Variants in SRP68 observed in about 807,000 individuals in gnomAD.
SRP68 encodes the protein signal recognition particle subunit SRP68.
In SRP68, 15 loss-of-function variants were observed where a neutral mutation model predicts 82.2. The observed-to-expected ratio is 0.18, with a 90% CI of 0.12 to 0.28. The LOEUF is 0.28. SRP68 is among the 10% of genes least tolerant of loss of function. SRP68 has a pLI of 1.00. For synonymous variants in SRP68, 261 were observed against 292.6 expected (o/e 0.89, Z 1.10); for missense variants, 595 against 780.5 (o/e 0.76, Z 2.83).
rs142178082 is a variant in SRP68, at chr17:76,057,461, A to G, written c.920T>C (p.Ile307Thr). 8 of 1,614,148 alleles carry G rather than the reference A, an allele frequency of 5.0e-6. No individual in the cohort carries two copies. Among genetic ancestry groups the G allele is most frequent in the South Asian group, 1.1e-5 (1 of 91,078 alleles). The change falls in exon 8 of 16, where the codon ATT becomes ACT. Residue 307 changes from isoleucine (I) to threonine (T), a missense_variant. Coordinates refer to ENST00000307877, the MANE Select transcript of SRP68 (RefSeq NM_014230.4). ...TAATAAGAAAATGCGCACTTTGTCAATCTTCACTGGAACCGTTCTCCCTCT... is the reference window on the plus strand; with the variant it reads ...TAATAAGAAAATGCGCACTTTGTCAGTCTTCACTGGAACCGTTCTCCCTCT... Reference protein sequence around the residue: ...EWRGRTVPVKIDKVRIFLLGL... With the variant: ...EWRGRTVPVKTDKVRIFLLGL...
rs754418404 is a variant in SRP68 at position 76,063,066 on chromosome 17, G to A, written c.561+910C>T. Among the ~76,000 whole-genome samples the A allele has an allele frequency of 1.5e-4, 23 of 151,538 alleles. 1 individual carries two copies. The highest frequency in any genetic ancestry group is 4.2e-4 in the South Asian group (2 of 4,790). ...ATTACAGGCGTGAGCCACCACGCCC[G>A]GCCTAAGAATATAGATATATTAATC... On this transcript the variant is annotated intron_variant, in intron 4 of 15. Coordinates refer to ENST00000307877, the MANE Select transcript of SRP68 (RefSeq NM_014230.4).
chr17:76,059,495 T>C (rs925744171), intron 7 of SRP68, among the ~76,000 whole-genome samples: 2 of 152,016 alleles, frequency 1.3e-5, no homozygotes, highest in Admixed American at 1.3e-4. Flanking sequence ...TGAGCCAAGA[T>C]TGCACCATTG....
In SRP68 at chr17:76,056,822, G is replaced by T. The variant is rs554969843; in HGVS notation, c.978+581C>A. Reference sequence around the variant, plus strand: ...ATGTGGAAAAGAAGCTCTAAAAAGTGCCCCCATCACTGTCTATGTCATACA... The same window carrying T: ...ATGTGGAAAAGAAGCTCTAAAAAGTTCCCCCATCACTGTCTATGTCATACA... On this transcript the variant is annotated intron_variant, in intron 8 of 15. Coordinates refer to ENST00000307877, the MANE Select transcript of SRP68 (RefSeq NM_014230.4). Among the ~76,000 whole-genome samples, 3 of 152,258 alleles carry T rather than the reference G, an allele frequency of 2.0e-5. No individual in the cohort carries two copies. The East Asian group carries it at 5.8e-4, about 29-fold the overall frequency.
chr17:76,071,323 T>A lies in SRP68; in HGVS notation c.185-879A>T, dbSNP rs1425176908. On this transcript the variant is annotated intron_variant, in intron 1 of 15. Transcript: ENST00000307877. The surrounding 1 kb of genome is among the most constrained non-coding windows in gnomAD (Gnocchi z 4.7). ...TTTCAAAAGAAGAATGGCCAGATTC[T>A]CCTTTTAATAATCTTAAAATATTTA... Among the ~76,000 whole-genome samples the A allele has an allele frequency of 3.3e-5, 5 of 152,302 alleles. No homozygotes were observed. The East Asian group carries it at 9.6e-4, about 29-fold the overall frequency.
rs2037956983 is a variant in SRP68, at chr17:76,071,665, A to G, written c.184+643T>C. On this transcript the variant is annotated intron_variant, in intron 1 of 15. Transcript: ENST00000307877. This position sits in a 1 kb window ranked among gnomAD's most constrained non-coding sequence, Gnocchi z 4.7. The stretch of plus-strand genomic sequence containing the variant: ...TTTTCTCCATTTGTTATTCATTTCA[A>G]AAGGTCACAAACTAGTACCACAAGC... Among the ~76,000 whole-genome samples the G allele has an allele frequency of 6.6e-6, 1 of 152,208 alleles. No homozygotes were observed. Among genetic ancestry groups the G allele is most frequent in the Non-Finnish European group, 1.5e-5 (1 of 68,038 alleles).
chr17:76,059,288 TAC>T (rs1390895830), intron 7 of SRP68, among the ~76,000 whole-genome samples: 1 of 152,148 alleles, frequency 6.6e-6, no homozygotes, highest in Admixed American at 6.5e-5. Flanking sequence ...CTCACGCCTA[TAC>T]TCCCAGCACT....
Position 76,057,480 on chromosome 17 carries a change from T to C in SRP68, c.901A>G (p.Arg301Gly). The C allele has an allele frequency of 6.2e-7, 1 of 1,614,018 alleles. No homozygotes were observed. Among genetic ancestry groups the C allele is most frequent in the Non-Finnish European group, 8.5e-7 (1 of 1,179,946 alleles). Reference protein sequence around the residue: ...ATMSEVEWRGRTVPVKIDKVR... With the variant: ...ATMSEVEWRGGTVPVKIDKVR... Reference sequence around the variant, plus strand: ...TTGTCAATCTTCACTGGAACCGTTCTCCCTCTCCACTCCACTTCACTCATG... The same window carrying C: ...TTGTCAATCTTCACTGGAACCGTTCCCCCTCTCCACTCCACTTCACTCATG... The change falls in exon 8 of 16, where the codon AGA (arginine) becomes GGA (glycine). Residue 301 changes from arginine to glycine, a missense_variant. Arg to Gly is a moderately radical substitution (Grantham distance 125, BLOSUM62 -2). Transcript: ENST00000307877.
chr17:76,063,686 TGA>T lies in SRP68; in HGVS notation c.561+288_561+289del, dbSNP rs202022973. On this transcript the variant is annotated intron_variant, in intron 4 of 15. Transcript: ENST00000307877. ...CTGGGCGACAAAGCAAGACTCTGTC[TGA>T]AAAAAAAAAAAAAAAAAGTTACAGC... is the stretch of plus-strand genomic sequence containing the variant. 8.1e-3 allele frequency among the ~76,000 whole-genome samples: 1,144 copies of T among 141,062 alleles called. 22 individuals are homozygous for T. The highest frequency in any genetic ancestry group is 0.026 in the African/African-American group (984 of 37,862). 92.5% of individuals were successfully genotyped at this position (141,062 alleles called of 152,430 possible).
At chr17:76,056,167 C>T (rs1453457750) in intron 8 of SRP68, among the ~76,000 whole-genome samples, 4 of 152,070 alleles carry the variant, frequency 2.6e-5, no homozygotes, top group African/African-American at 4.8e-5. Flanking sequence ...TCATTTGGTA[C>T]GTGTCTGTAG....
chr17:76,057,360 C>T, intron 8 of SRP68, 43 bp downstream of exon 8: 2 of 1,612,302 alleles, frequency 1.2e-6, no homozygotes, highest in Non-Finnish European at 8.5e-7. Flanking sequence ...GGACAACCTT[C>T]AGACACATAC....
At position 76,070,456 on chromosome 17, in the gene SRP68, A is replaced by T. The variant is rs750207843; in HGVS notation, c.185-12T>A. The stretch of plus-strand genomic sequence containing the variant: ...AATAATCTGAAGAACTAGAGTCGAG[A>T]TTAAGGAAAATCTTACCATAGCAAG... On this transcript the variant is annotated splice_polypyrimidine_tract_variant and intron_variant, in intron 1 of 15. Transcript: ENST00000307877. 21 of 1,611,944 alleles carry T rather than the reference A, an allele frequency of 1.3e-5. No homozygotes were observed. The highest frequency in any genetic ancestry group is 1.8e-5 in the Non-Finnish European group (21 of 1,178,136).
At chr17:76,056,947 G>A (rs1427778224) in intron 8 of SRP68, among the ~76,000 whole-genome samples, 4 of 152,208 alleles carry the variant, frequency 2.6e-5, no homozygotes, top group Non-Finnish European at 1.5e-5. Context: ...TAACAGTTTT[G>A]CATGAATATT....
In SRP68 at chr17:76,060,019, G is replaced by A. The variant is rs1304419442; in HGVS notation, c.837+289C>T. ...CAGGCGGCTGTAGTCCCAGCTACTTGGGAGGCTGAGGCAGGAGAATGTCGT... is the reference window on the plus strand; with the variant it reads ...CAGGCGGCTGTAGTCCCAGCTACTTAGGAGGCTGAGGCAGGAGAATGTCGT... On this transcript the variant is annotated intron_variant, in intron 7 of 15. Coordinates refer to ENST00000307877, the MANE Select transcript of SRP68 (RefSeq NM_014230.4). Among the ~76,000 whole-genome samples the A allele has an allele frequency of 1.3e-5, 2 of 149,254 alleles. 1 individual carries two copies. Among genetic ancestry groups the A allele is most frequent in the Middle Eastern group, 6.5e-3 (2 of 310 alleles).
rs188953548 is a variant in SRP68, at chr17:76,059,182, A to C, written c.837+1126T>G. ...GAGGATCACTTGAGAGCAGGAAATC[A>C]AGGCAGCAGTGAGTCAAAATCAAGC... On this transcript the variant is annotated intron_variant, in intron 7 of 15. Transcript: ENST00000307877. 2.2e-4 allele frequency among the ~76,000 whole-genome samples: 34 copies of C among 152,284 alleles called. No individual in the cohort carries two copies. In the East Asian group the frequency reaches 6.4e-3, roughly 28 times the overall value.
chr17:76,061,631 A>G (rs962168521), intron 4 of SRP68, 57 bp from the exon 5 acceptor site: 10 of 1,417,808 alleles, frequency 7.1e-6, no homozygotes, highest in Non-Finnish European at 8.0e-6. Flanking sequence ...GCTCCCACTC[A>G]ATCTTCCTTT....
chr17:76,046,126 C>T lies in SRP68; in HGVS notation c.1211G>A (p.Arg404Lys). 6 of 1,613,956 alleles carry T rather than the reference C, an allele frequency of 3.7e-6. No homozygotes were observed. Among genetic ancestry groups the T allele is most frequent in the African/African-American group, 1.3e-5 (1 of 75,014 alleles). Residue 404 changes from arginine to lysine, a missense_variant, in exon 11 of 16, where the codon AGG becomes AAG. By Grantham distance (26) the Arg-to-Lys change is conservative (BLOSUM62 2). Transcript: ENST00000307877. ...RNENMAKGLQ[R>K]ALLQQQPEDD... The stretch of plus-strand genomic sequence containing the variant: ...CTCTGGCTGCTGCTGCAGCAGAGCC[C>T]TCTGCAGACCTTTGGCCATGTTCTC...
intron 15 of SRP68, 130 bp downstream of exon 15, chr17:76,040,289 G>C: frequency 1.2e-6 from 1 of 869,412 alleles, no homozygotes; most frequent in Non-Finnish European, 1.9e-6. Context: ...CTTTGAGGTT[G>C]GGTAAGAGAA....
intron 14 of SRP68, 25 bp downstream of exon 14, chr17:76,040,878 T>C (rs2066584813): frequency 6.2e-7 from 1 of 1,611,706 alleles, no homozygotes; most frequent in African/African-American, 1.3e-5. Flanking sequence ...AGTCTGGGGA[T>C]ACAAAGGCCA....
intron 7 of SRP68, 66 bp downstream of exon 7, chr17:76,060,242 G>T: frequency 1.0e-6 from 1 of 974,620 alleles, no homozygotes; most frequent in Non-Finnish European, 1.6e-6. Context: ...ATCCCTAGGG[G>T]ATTATGAATT....
Sources: allele counts gnomAD v4.1 joint callset (sites outside exome capture counted in the v4.1 genomes callset), GRCh38; gene constraint gnomAD v4.1.1; non-coding constraint Gnocchi (gnomAD v3.1); transcripts MANE v1.5; gene names NCBI Gene and HGNC (gene_info 2026-07-23, HGNC 2026-07-21).